Variants in MED12L observed in about 807,000 individuals in gnomAD.
The protein encoded by MED12L is mediator of RNA polymerase II transcription subunit 12-like protein.
A neutral mutation model predicts 281.3 loss-of-function variants in MED12L; 60 were observed. That is an observed-to-expected ratio of 0.21 (90% CI 0.17 to 0.26). The LOEUF is 0.26. Ranked by LOEUF, MED12L falls within the 10% of genes least tolerant of loss-of-function variation. MED12L has a pLI of 1.00. For missense variants in MED12L, 2,146 were observed against 2,680.9 expected, an observed-to-expected ratio of 0.80 and a Z score of 4.41; for synonymous variants, 974 against 987.2, an observed-to-expected ratio of 0.99 and a Z score of 0.25.
chr3:151,375,537 G>A (rs1756729020), intron 27 of MED12L, among the ~76,000 whole-genome samples: 1 of 152,096 alleles, frequency 6.6e-6, no homozygotes, highest in Non-Finnish European at 1.5e-5. Context: ...AAAAAGAGAT[G>A]TGCACTACTA....
rs750648141 is a variant in MED12L, at chr3:151,430,297, A to AGTT, written c.6409-1_6410dup. On this transcript the variant is annotated splice_acceptor_variant, in intron 43 of 44. Transcript: ENST00000687756. LOFTEE classifies it high-confidence loss of function. ...CTGTCCTTTCTCCTGTCGCCATTAC[A>AGTT]GTTTCCCAGGCAAGGCTTGCAGCAG... The AGTT allele has an allele frequency of 1.2e-6, 2 of 1,614,090 alleles. No individual in the cohort carries two copies. Among genetic ancestry groups the AGTT allele is most frequent in the Non-Finnish European group, 1.7e-6 (2 of 1,179,966 alleles).
Position 151,086,636 on chromosome 3 carries a change from G to C in MED12L, c.-129-162G>C, listed in dbSNP as rs1484392700. 9 of 282,602 alleles carry C rather than the reference G, an allele frequency of 3.2e-5. 1 individual carries two copies. The Admixed American group carries it at 4.0e-4, about 13-fold the overall frequency. The allele number at this position is 282,602 out of a possible 1,614,324, so 17.5% of individuals were successfully genotyped here. A position where few individuals can be genotyped will look rare whatever the true frequency, so the allele number is the denominator to read the frequency against. On this transcript the variant is annotated intron_variant, in intron 1 of 44. Transcript: ENST00000687756. ...GGGGAGCAGAGGAGGCAGGCGCCGCGGAGGACCCTGGCCGACCTCTAGTCC... is the reference window on the plus strand; with the variant it reads ...GGGGAGCAGAGGAGGCAGGCGCCGCCGAGGACCCTGGCCGACCTCTAGTCC...
At chr3:151,309,010 A>G (rs568699941) in intron 16 of MED12L, among the ~76,000 whole-genome samples, 1 of 152,164 alleles carries the variant, frequency 6.6e-6, no homozygotes, top group South Asian at 2.1e-4. Flanking sequence ...TCAGCATCAA[A>G]CGTTCACTCT....
intron 16 of MED12L, among the ~76,000 whole-genome samples, chr3:151,275,209 T>C (rs1741644430): frequency 6.6e-6 from 1 of 152,156 alleles, no homozygotes; most frequent in African/African-American, 2.4e-5. Flanking sequence ...GAGGATCAGA[T>C]TTTTTTCCCC....
chr3:151,111,508 G>C (rs750457291), intron 2 of MED12L, among the ~76,000 whole-genome samples: 14 of 152,186 alleles, frequency 9.2e-5, no homozygotes, highest in Non-Finnish European at 1.9e-4. Flanking sequence ...AATTCGAGCT[G>C]TCTGATTGCA....
intron 16 of MED12L, among the ~76,000 whole-genome samples, chr3:151,272,765 A>AT (rs144168201): frequency 0.012 from 1,861 of 152,152 alleles, 19 homozygotes; most frequent in Non-Finnish European, 0.018. Flanking sequence ...TATGAGTGTT[A>AT]ATGGCTATAA....
intron 11 of MED12L, among the ~76,000 whole-genome samples, chr3:151,168,956 G>A (rs564060711): frequency 2.6e-5 from 4 of 152,068 alleles, no homozygotes; most frequent in Non-Finnish European, 5.9e-5. Context: ...GCTGGGAGGT[G>A]TGAGCCAGTG....
At chr3:151,087,835 C>T (rs1411103628) in intron 2 of MED12L, among the ~76,000 whole-genome samples, 2 of 152,078 alleles carry the variant, frequency 1.3e-5, no homozygotes, top group Non-Finnish European at 2.9e-5. Context: ...TAACAAGTCT[C>T]TAGTTATAAT....
At chr3:151,096,138 T>C (rs964997310) in intron 2 of MED12L, among the ~76,000 whole-genome samples, 1 of 152,192 alleles carries the variant, frequency 6.6e-6, no homozygotes, top group Non-Finnish European at 1.5e-5. Context: ...GCAACAAGCC[T>C]ATGGAGAAAA....
At chr3:151,387,244 G>T (rs1355489901) in intron 36 of MED12L, among the ~76,000 whole-genome samples, 1 of 150,940 alleles carries the variant, frequency 6.6e-6, no homozygotes, top group African/African-American at 2.4e-5. Flanking sequence ...TGAGTTGAAA[G>T]ACTTTACTTA....
chr3:151,141,876 A>C (rs908534520), intron 5 of MED12L, among the ~76,000 whole-genome samples: 1 of 152,154 alleles, frequency 6.6e-6, no homozygotes, highest in African/African-American at 2.4e-5. Context: ...ATCCATTGCT[A>C]CTCAACAGTT....
rs541733028 is a variant in MED12L at position 151,415,237 on chromosome 3, C to T, written c.6298-1075C>T. Among the ~76,000 whole-genome samples, 50 of 152,306 alleles carry T rather than the reference C, an allele frequency of 3.3e-4. No homozygotes were observed. The South Asian group carries it at 8.7e-3, about 26-fold the overall frequency. ...CTTCTGGTAATTTTTTCATCATCAACACATTCTTCCCTGGAGATAAGTGAT... is the reference window on the plus strand; with the variant it reads ...CTTCTGGTAATTTTTTCATCATCAATACATTCTTCCCTGGAGATAAGTGAT... On this transcript the variant is annotated intron_variant, in intron 42 of 44. Transcript: ENST00000687756.
At chr3:151,204,947 G>A (rs922950653) in intron 16 of MED12L, among the ~76,000 whole-genome samples, 11 of 152,200 alleles carry the variant, frequency 7.2e-5, no homozygotes, top group African/African-American at 2.7e-4. Context: ...AAATGTGAAA[G>A]CACTGAAGTG....
In MED12L at chr3:151,369,662, C is replaced by T. The variant is rs569653647; in HGVS notation, c.3664+113C>T. 112 of 636,402 alleles carry T rather than the reference C, an allele frequency of 1.8e-4. No homozygotes were observed. The South Asian group carries it at 2.3e-3, about 13-fold the overall frequency. The allele number at this position is 636,402 out of a possible 1,614,324, so 39.4% of individuals were successfully genotyped here. A position where few individuals can be genotyped will look rare whatever the true frequency, so the allele number is the denominator to read the frequency against. On this transcript the variant is annotated intron_variant, in intron 26 of 44. Transcript: ENST00000687756. ...TATTGGAAACATGATACTGTTTGAT[C>T]GCTTATTCTCCTGGAAAAATTAGTG...
At chr3:151,313,269 C>T (rs1482073344) in intron 16 of MED12L, among the ~76,000 whole-genome samples, 1 of 152,106 alleles carries the variant, frequency 6.6e-6, no homozygotes, top group African/African-American at 2.4e-5. Context: ...TAAAATAGCT[C>T]CAACTTGATT....
intron 5 of MED12L, among the ~76,000 whole-genome samples, chr3:151,140,847 T>TTTTGTTTG (rs201249568): frequency 3.2e-4 from 46 of 145,716 alleles, no homozygotes; most frequent in East Asian, 1.9e-3. Context: ...ACGCAGATAA[T>TTTTGTTTG]TTTGTTTGTT....
At chr3:151,200,241 G>A (rs570693113) in intron 16 of MED12L, among the ~76,000 whole-genome samples, 1 of 152,186 alleles carries the variant, frequency 6.6e-6, no homozygotes, top group South Asian at 2.1e-4. Flanking sequence ...AACATTGAGC[G>A]GGTTTGTAAG....
At position 151,280,204 on chromosome 3, in the gene MED12L, T is replaced by C. The variant is rs148924683; in HGVS notation, c.2251-69855T>C. Among the ~76,000 whole-genome samples the C allele has an allele frequency of 3.3e-4, 50 of 152,228 alleles. No individual in the cohort carries two copies. The East Asian group carries it at 5.2e-3, about 16-fold the overall frequency. Reference sequence around the variant, plus strand: ...AAGACACTTGGGAGTAGAGGGAGTATGGAGAAATGGAAAGCTAAAGGGCCC... The same window carrying C: ...AAGACACTTGGGAGTAGAGGGAGTACGGAGAAATGGAAAGCTAAAGGGCCC... On this transcript the variant is annotated intron_variant, in intron 16 of 44. Coordinates refer to ENST00000687756, the MANE Select transcript of MED12L (RefSeq NM_001393769.1).
intron 5 of MED12L, among the ~76,000 whole-genome samples, chr3:151,155,790 C>T (rs1325184270): frequency 6.6e-6 from 1 of 152,156 alleles, no homozygotes; most frequent in Non-Finnish European, 1.5e-5. Flanking sequence ...ACGATTCTGT[C>T]CTGCTTTGCC....
Sources: allele counts gnomAD v4.1 joint callset (sites outside exome capture counted in the v4.1 genomes callset), GRCh38; gene constraint gnomAD v4.1.1; transcripts MANE v1.5; gene names NCBI Gene and HGNC (gene_info 2026-07-23, HGNC 2026-07-21).